SNRPA: variants seen among roughly 807,000 people sequenced by gnomAD.
SNRPA encodes U1 small nuclear ribonucleoprotein A.
A neutral mutation model predicts 24.5 loss-of-function variants in SNRPA; 10 were observed. That is an observed-to-expected ratio of 0.41 (90% CI 0.25 to 0.69). SNRPA has a LOEUF of 0.69. SNRPA is among the 30% of genes least tolerant of loss of function. SNRPA has a pLI of 0.33. For synonymous variants in SNRPA, 165 were observed against 148.4 expected (o/e 1.11, Z -0.81); for missense variants, 283 against 394.7 (o/e 0.72, Z 2.40).
rs202048036 is a variant in SNRPA at position 40,757,946 on chromosome 19, AAAATAAAT to A, written c.246+467_246+474del. On this transcript the variant is annotated intron_variant, in intron 2 of 5. Transcript: ENST00000243563. ...AACAGAGTGAGACTCTGTCTCAGAAAAAATAAATAAATAAATAAATAAATAAATAAATT... is the reference window on the plus strand; with the variant it reads ...AACAGAGTGAGACTCTGTCTCAGAAAAAATAAATAAATAAATAAATAAATT... Among the ~76,000 whole-genome samples, 14 of 149,586 alleles carry A rather than the reference AAAATAAAT, an allele frequency of 9.4e-5. No homozygotes were observed. The South Asian group carries it at 1.0e-3, about 11-fold the overall frequency.
Position 40,757,429 on chromosome 19 carries a change from C to A in SNRPA, c.171C>A (p.Val57=), listed in dbSNP as rs1234848920. The A allele has an allele frequency of 6.2e-7, 1 of 1,614,118 alleles. No homozygotes were observed. The highest frequency in any genetic ancestry group is 1.1e-5 in the South Asian group (1 of 91,076). Residue 57 remains valine, a synonymous_variant, in exon 2 of 6, where the codon GTC becomes GTA. Transcript: ENST00000243563. ...TGAAGATGAGGGGCCAGGCCTTTGTCATCTTCAAGGAGGTCAGCAGCGCCA... is the reference window on the plus strand; with the variant it reads ...TGAAGATGAGGGGCCAGGCCTTTGTAATCTTCAAGGAGGTCAGCAGCGCCA... ...RSLKMRGQAF[V]IFKEVSSATN... is the part of the protein sequence containing the mutation.
At chr19:40,764,746 G>T (rs888938777) in intron 5 of SNRPA, among the ~76,000 whole-genome samples, 7 of 152,154 alleles carry the variant, frequency 4.6e-5, no homozygotes, top group Non-Finnish European at 8.8e-5. Flanking sequence ...TTTAGGAAGG[G>T]CCCAGGAGAC....
intron 2 of SNRPA, 90 bp from the exon 3 acceptor site, chr19:40,759,341 C>A: frequency 7.8e-7 from 1 of 1,275,712 alleles, no homozygotes; most frequent in Non-Finnish European, 1.1e-6. Flanking sequence ...TGAGCCGCAG[C>A]ACCTGGCCCC....
chr19:40,760,592 G>T (rs2082927221), intron 3 of SNRPA, among the ~76,000 whole-genome samples: 1 of 152,182 alleles, frequency 6.6e-6, no homozygotes, highest in Admixed American at 6.5e-5. Context: ...GGAAAGACAA[G>T]GCCAAGCCAG....
Position 40,751,267 on chromosome 19 carries a change from C to G in SNRPA, c.-142C>G. ...CTTTGTTGTCGCGCTTTGCCTCCGT[C>G]CTTGCCCCTACTCCCGCCTTACCTG... is the stretch of plus-strand genomic sequence containing the variant. On this transcript the variant is annotated 5_prime_UTR_variant, in exon 1 of 6. Coordinates refer to ENST00000243563, the MANE Select transcript of SNRPA (RefSeq NM_004596.5). The G allele has an allele frequency of 1.4e-6, 1 of 715,802 alleles. No homozygotes were observed. Among genetic ancestry groups the G allele is most frequent in the East Asian group, 2.5e-5 (1 of 40,318 alleles). The allele number at this position is 715,802 out of a possible 1,614,324, so 44.3% of individuals were successfully genotyped here.
intron 1 of SNRPA, among the ~76,000 whole-genome samples, chr19:40,755,044 C>A (rs1048918654): frequency 2.0e-5 from 3 of 151,958 alleles, no homozygotes; most frequent in African/African-American, 7.3e-5. Context: ...TCTTTCCTAG[C>A]CTGGTATCTA....
At chr19:40,759,287 T>C (rs1207356414) in intron 2 of SNRPA, 144 bp from the exon 3 acceptor site, 2 of 660,948 alleles carry the variant, frequency 3.0e-6, no homozygotes, top group African/African-American at 3.8e-5. Flanking sequence ...TGGCCTCAAG[T>C]GATCTGCTCG....
intron 1 of SNRPA, among the ~76,000 whole-genome samples, chr19:40,751,769 G>C (rs1387943069): frequency 6.6e-6 from 1 of 152,090 alleles, no homozygotes; most frequent in Non-Finnish European, 1.5e-5. Context: ...CTTGCCGTAC[G>C]CTGAGACCAT....
chr19:40,753,302 C>T (rs911876355), intron 1 of SNRPA, among the ~76,000 whole-genome samples: 3 of 146,760 alleles, frequency 2.0e-5, no homozygotes, highest in Non-Finnish European at 4.4e-5. Flanking sequence ...TCGCAGTGAG[C>T]TGAGACCGCA....
At chr19:40,761,393 G>A (rs1459128554) in intron 3 of SNRPA, among the ~76,000 whole-genome samples, 2 of 150,292 alleles carry the variant, frequency 1.3e-5, no homozygotes, top group Non-Finnish European at 3.0e-5. Context: ...GAAGTGAATT[G>A]CAGATCCAAA....
intron 2 of SNRPA, chr19:40,758,722 T>G (rs187963170): frequency 9.2e-5 from 14 of 152,248 alleles, no homozygotes; most frequent in African/African-American, 3.4e-4. Context: ...GGTCTGAATT[T>G]TTTTTTGTTT....
rs764901735 is a variant in SNRPA at position 40,751,382 on chromosome 19, T to G, written c.-27T>G. Reference sequence around the variant, plus strand: ...GGGCTAAAGTCACGTTTTTCCTCCTTTAAGACTTACCTCAACACTTCACTC... The same window carrying G: ...GGGCTAAAGTCACGTTTTTCCTCCTGTAAGACTTACCTCAACACTTCACTC... On this transcript the variant is annotated 5_prime_UTR_variant, in exon 1 of 6. Transcript: ENST00000243563. The G allele has an allele frequency of 1.3e-6, 2 of 1,587,428 alleles. No individual in the cohort carries two copies. The highest frequency in any genetic ancestry group is 1.7e-6 in the Non-Finnish European group (2 of 1,155,762).
intron 1 of SNRPA, among the ~76,000 whole-genome samples, chr19:40,753,365 G>A (rs2082892351): frequency 7.3e-6 from 1 of 136,232 alleles, no homozygotes; most frequent in South Asian, 2.2e-4. Context: ...AAAAAATCAG[G>A]AGTGTAAATT....
chr19:40,757,310 G>T (rs1456857342), intron 1 of SNRPA, 22 bp from the exon 2 acceptor site: 7 of 1,613,106 alleles, frequency 4.3e-6, no homozygotes, highest in African/African-American at 1.3e-5. Context: ...GAGCTCAAAG[G>T]TCTTTTTTTC....
At position 40,755,257 on chromosome 19, in the gene SNRPA, C is replaced by CTTTTT. The variant is rs1004235207; in HGVS notation, c.74-2055_74-2051dup. Among the ~76,000 whole-genome samples, 452 of 81,860 alleles carry CTTTTT rather than the reference C, an allele frequency of 5.5e-3. 2 individuals carry two copies. Among genetic ancestry groups the CTTTTT allele is most frequent in the African/African-American group, 0.013 (266 of 19,732 alleles). 53.7% of individuals were successfully genotyped at this position (81,860 alleles called of 152,430 possible). A position where few individuals can be genotyped will look rare whatever the true frequency, so the allele number is the denominator to read the frequency against. ...ACGCCTAGCTAATTTTTTTTCTTTT[C>CTTTTT]TTTTTTTTTTTTTTTTTTTTTTTTG... On this transcript the variant is annotated intron_variant, in intron 1 of 5. Transcript: ENST00000243563.
intron 3 of SNRPA, among the ~76,000 whole-genome samples, chr19:40,761,458 C>CTTTT (rs200242370): frequency 5.0e-4 from 43 of 85,868 alleles, no homozygotes; most frequent in African/African-American, 9.9e-4. Flanking sequence ...TTTTCTTTTT[C>CTTTT]TTTTTTTTTT....
chr19:40,754,320 C>G (rs2082899382), intron 1 of SNRPA, among the ~76,000 whole-genome samples: 1 of 151,764 alleles, frequency 6.6e-6, no homozygotes, highest in Admixed American at 6.6e-5. Flanking sequence ...CTATGCTGGT[C>G]TCGAACTCCT....
chr19:40,751,522 CG>C (rs749361039), intron 1 of SNRPA, 41 bp downstream of exon 1: 2 of 1,445,128 alleles, frequency 1.4e-6, no homozygotes, highest in Non-Finnish European at 1.9e-6. Flanking sequence ...CTGTCCCGCA[CG>C]GGCTGGCCCC....
In SNRPA at chr19:40,759,609, C is replaced by T. The variant is rs775580802; in HGVS notation, c.425C>T (p.Pro142Leu). 8 of 1,595,892 alleles carry T rather than the reference C, an allele frequency of 5.0e-6. No individual in the cohort carries two copies. Among genetic ancestry groups the T allele is most frequent in the Admixed American group, 1.8e-5 (1 of 54,902 alleles). ...GTGGGGGCTGTCCAGGGGCCTGTCC[C>T]GGTAAGCCAGGTCCCGGAGACCAAC... ...PVVGAVQGPV[P>L]GMPPMTQAPR... Residue 142 changes from proline to leucine, a missense_variant and splice_region_variant, in exon 3 of 6, where the codon CCG (proline) becomes CTG (leucine). Transcript: ENST00000243563.
Sources: allele counts gnomAD v4.1 joint callset (sites outside exome capture counted in the v4.1 genomes callset), GRCh38; gene constraint gnomAD v4.1.1; transcripts MANE v1.5; gene names NCBI Gene and HGNC (gene_info 2026-07-23, HGNC 2026-07-21).